The following EBF3 variants were observed in gnomAD, a reference collection of about 807,000 sequenced individuals.
EBF3 encodes the protein EBF transcription factor 3, also known as transcription factor COE3.
In EBF3, 18 loss-of-function variants were observed where a neutral mutation model predicts 77.1. That is an observed-to-expected ratio of 0.23 (90% confidence interval 0.16 to 0.35). EBF3 has a LOEUF of 0.35. EBF3 is among the 10% of genes least tolerant of loss of function. EBF3 has a pLI of 1.00. For missense variants in EBF3, 558 were observed against 860.0 expected (o/e 0.65, Z 4.39); for synonymous variants, 350 against 343.5 (o/e 1.02, Z -0.21).
chr10:129,845,208 G>A (rs1368396733), intron 11 of EBF3: 2 of 152,228 alleles, frequency 1.3e-5, no homozygotes, highest in Non-Finnish European at 2.9e-5. Context: ...AGTCAAGGAT[G>A]CTTTGAACAA....
In EBF3 at chr10:129,848,613, T is replaced by C. The variant is rs1252723162; in HGVS notation, c.1040-133A>G. On this transcript the variant is annotated intron_variant, in intron 10 of 16. Coordinates refer to ENST00000440978, the MANE Select transcript of EBF3 (RefSeq NM_001375380.1). This position sits in a 1 kb window ranked among gnomAD's most constrained non-coding sequence, Gnocchi z 4.4. ...CTCTAAGGCAAGCACCCCTGAATAC[T>C]AGCTGTGTCTTAAGGAATAGATTTT... The C allele has an allele frequency of 3.5e-6, 3 of 866,582 alleles. No homozygotes were observed. The highest frequency in any genetic ancestry group is 2.2e-4 in the Middle Eastern group (1 of 4,538). 53.7% of individuals were successfully genotyped at this position (866,582 alleles called of 1,614,324 possible). A position where few individuals can be genotyped will look rare whatever the true frequency, so the allele number is the denominator to read the frequency against.
At chr10:129,954,117 G>A (rs376663373) in intron 6 of EBF3, among the ~76,000 whole-genome samples, 1 of 152,140 alleles carries the variant, frequency 6.6e-6, no homozygotes, top group Admixed American at 6.5e-5. Flanking sequence ...ATGTGTGTTT[G>A]TGTGTGTGCA....
chr10:129,949,764 G>A (rs1032305165), intron 6 of EBF3, among the ~76,000 whole-genome samples: 5 of 152,128 alleles, frequency 3.3e-5, no homozygotes, highest in African/African-American at 1.2e-4. Flanking sequence ...AAAACTTAGA[G>A]AAAGCGGGAG....
chr10:129,885,497 A>C lies in EBF3; in HGVS notation c.555-7648T>G, dbSNP rs1853510001. ...TAGTTTTGATAAGGTTATCTGTTTC[A>C]AAGAAGTCAACTGCACAACACAAAA... On this transcript the variant is annotated intron_variant, in intron 6 of 16. Transcript: ENST00000440978. The surrounding 1 kb of genome is among the most constrained non-coding windows in gnomAD (Gnocchi z 4.0). Among the ~76,000 whole-genome samples, 1 of 152,226 alleles carries C rather than the reference A, an allele frequency of 6.6e-6. No individual in the cohort carries two copies. The highest frequency in any genetic ancestry group is 2.4e-5 in the African/African-American group (1 of 41,460).
chr10:129,845,549 G>A (rs1236283515), intron 11 of EBF3: 2 of 152,136 alleles, frequency 1.3e-5, no homozygotes, highest in Non-Finnish European at 2.9e-5. Context: ...GTTAAAAGAG[G>A]TAACCAAGGT....
At chr10:129,856,133 C>T (rs1379955937) in intron 10 of EBF3, among the ~76,000 whole-genome samples, 1 of 152,242 alleles carries the variant, frequency 6.6e-6, no homozygotes, top group African/African-American at 2.4e-5. Context: ...CTGCCACGTG[C>T]CTGCCCTACT....
chr10:129,886,202 C>A (rs112622752), intron 6 of EBF3, among the ~76,000 whole-genome samples: 2,467 of 152,276 alleles, frequency 0.016, 39 homozygotes, highest in Middle Eastern at 0.034. Flanking sequence ...CATTTTAAAT[C>A]AAGCCTGTGC....
chr10:129,841,742 C>T lies in EBF3; in HGVS notation c.1372+374G>A, dbSNP rs78648915. Reference sequence around the variant, plus strand: ...TTCCAAACTTAGACCCAAATCCCGCCGTGCAGTGCGTCCAAGCAGGCTCCC... The same window carrying T: ...TTCCAAACTTAGACCCAAATCCCGCTGTGCAGTGCGTCCAAGCAGGCTCCC... On this transcript the variant is annotated intron_variant, in intron 13 of 16. Coordinates refer to ENST00000440978, the MANE Select transcript of EBF3 (RefSeq NM_001375380.1). The surrounding 1 kb of genome is among the most constrained non-coding windows in gnomAD (Gnocchi z 4.6). 2.6e-5 allele frequency among the ~76,000 whole-genome samples: 4 copies of T among 152,224 alleles called. No homozygotes were observed. In the East Asian group the frequency reaches 7.7e-4, roughly 29 times the overall value.
At chr10:129,846,809 A>C (rs1021903562) in intron 11 of EBF3, among the ~76,000 whole-genome samples, 6 of 152,104 alleles carry the variant, frequency 3.9e-5, no homozygotes, top group Non-Finnish European at 5.9e-5. Flanking sequence ...CACCTGAATT[A>C]AAAGAGCTAA....
chr10:129,938,466 T>A lies in EBF3; in HGVS notation c.554+18792A>T, dbSNP rs557279160. ...CTACCAGGAGGCTGAGGTGGGAACA[T>A]TGCTTGAGCCCAGGAGGTCCAGGCT... On this transcript the variant is annotated intron_variant, in intron 6 of 16. Coordinates refer to ENST00000440978, the MANE Select transcript of EBF3 (RefSeq NM_001375380.1). This position sits in a 1 kb window ranked among gnomAD's most constrained non-coding sequence, Gnocchi z 5.1. 6.6e-6 allele frequency among the ~76,000 whole-genome samples: 1 copy of A among 151,790 alleles called. No homozygotes were observed. The highest frequency in any genetic ancestry group is 1.5e-5 in the Non-Finnish European group (1 of 67,996).
rs900589202 is a variant in EBF3 at position 129,885,685 on chromosome 10, G to A, written c.555-7836C>T. On this transcript the variant is annotated intron_variant, in intron 6 of 16. Coordinates refer to ENST00000440978, the MANE Select transcript of EBF3 (RefSeq NM_001375380.1). This position sits in a 1 kb window ranked among gnomAD's most constrained non-coding sequence, Gnocchi z 4.0. ...TCAATCAGTCTGTATTTTGTCTTTC[G>A]CTGCGGGCTCATTAAAACAGCTTCC... 1.3e-5 allele frequency among the ~76,000 whole-genome samples: 2 copies of A among 151,946 alleles called. No homozygotes were observed. The highest frequency in any genetic ancestry group is 1.5e-5 in the Non-Finnish European group (1 of 68,004).
chr10:129,955,272 T>G (rs1400937305), intron 6 of EBF3, among the ~76,000 whole-genome samples: 3 of 152,198 alleles, frequency 2.0e-5, no homozygotes, highest in Admixed American at 6.5e-5. Context: ...TGATTAAAAT[T>G]TCTATAAAAT....
intron 16 of EBF3, 45 bp from the exon 17 acceptor site, chr10:129,838,005 C>T (rs368648239): frequency 1.6e-5 from 26 of 1,612,858 alleles, no homozygotes; most frequent in Non-Finnish European, 1.9e-5. Context: ...CTCCCCCACG[C>T]GCCCTCCCGC....
chr10:129,946,267 A>T (rs1421714080), intron 6 of EBF3, among the ~76,000 whole-genome samples: 1 of 152,212 alleles, frequency 6.6e-6, no homozygotes, highest in Non-Finnish European at 1.5e-5. Flanking sequence ...CATAACACAC[A>T]ACTCTGAAAC....
intron 14 of EBF3, 82 bp from the exon 15 acceptor site, chr10:129,840,524 C>T (rs1041095010): frequency 8.7e-5 from 127 of 1,457,204 alleles, no homozygotes; most frequent in Middle Eastern, 4.4e-4. Flanking sequence ...TCGCCTCGGA[C>T]GGGGGGGCAG....
At chr10:129,893,323 C>T (rs1431077361) in intron 6 of EBF3, among the ~76,000 whole-genome samples, 1 of 152,200 alleles carries the variant, frequency 6.6e-6, no homozygotes, top group Non-Finnish European at 1.5e-5. Flanking sequence ...CCGACAACAG[C>T]ACCACATATG....
intron 10 of EBF3, among the ~76,000 whole-genome samples, chr10:129,852,065 G>C (rs184446131): frequency 6.6e-6 from 1 of 152,316 alleles, no homozygotes; most frequent in East Asian, 1.9e-4. Flanking sequence ...GAGGCAAGCA[G>C]TCGGGCAGCC....
intron 6 of EBF3, among the ~76,000 whole-genome samples, chr10:129,953,031 T>TAAA (rs560515814): frequency 4.6e-5 from 3 of 64,586 alleles, no homozygotes; most frequent in Non-Finnish European, 6.7e-5. Flanking sequence ...CACTGTTGAC[T>TAAA]AAAAAAAAAA....
chr10:129,879,979 G>A lies in EBF3; in HGVS notation c.555-2130C>T, dbSNP rs939308988. ...TGCTCATCTGCAAATGTACCTGCAC[G>A]GAGCCATCTCCAGGAGCTTTGTTTG... is the stretch of plus-strand genomic sequence containing the variant. On this transcript the variant is annotated intron_variant, in intron 6 of 16. Transcript: ENST00000440978. The surrounding 1 kb of genome is among the most constrained non-coding windows in gnomAD (Gnocchi z 4.7). Among the ~76,000 whole-genome samples, 7 of 152,062 alleles carry A rather than the reference G, an allele frequency of 4.6e-5. No homozygotes were observed. The highest frequency in any genetic ancestry group is 1.4e-4 in the African/African-American group (6 of 41,406).
Sources: allele counts gnomAD v4.1 joint callset (sites outside exome capture counted in the v4.1 genomes callset), GRCh38; gene constraint gnomAD v4.1.1; non-coding constraint Gnocchi (gnomAD v3.1); transcripts MANE v1.5; gene names NCBI Gene and HGNC (gene_info 2026-07-23, HGNC 2026-07-21).